Variants in TPCN2 observed in about 807,000 individuals in gnomAD.
The protein encoded by TPCN2 is two pore channel protein 2.
In TPCN2, 92 loss-of-function variants were observed where a neutral mutation model predicts 111.4. The observed-to-expected ratio is 0.83, with a 90% CI of 0.70 to 0.98. TPCN2 has a LOEUF of 0.98. Ranked by LOEUF, TPCN2 falls within the 50% of genes least tolerant of loss-of-function variation. TPCN2 has a pLI of 0.00. For missense variants in TPCN2, 995 were observed against 980.1 expected (o/e 1.02, Z -0.20); for synonymous variants, 405 against 414.5 (o/e 0.98, Z 0.28).
intron 18 of TPCN2, among the ~76,000 whole-genome samples, chr11:69,083,712 G>A (rs770369638): frequency 3.3e-5 from 5 of 152,148 alleles, no homozygotes; most frequent in Non-Finnish European, 7.3e-5. Context: ...CGTGTGGGTA[G>A]ATGTAGGTGT....
rs1426633900 is a variant in TPCN2, at chr11:69,078,959, T to C, written c.1478T>C (p.Leu493Pro). The C allele has an allele frequency of 6.2e-7, 1 of 1,614,066 alleles. No homozygotes were observed. The highest frequency in any genetic ancestry group is 8.5e-7 in the Non-Finnish European group (1 of 1,179,994). Reference sequence around the variant, plus strand: ...CTGCTCAAGGTCTTTGCCCTGGGCCTGCGAGGGTACCTGTCCTACCCCAGC... The same window carrying C: ...CTGCTCAAGGTCTTTGCCCTGGGCCCGCGAGGGTACCTGTCCTACCCCAGC... ...EMLLKVFALG[L>P]RGYLSYPSNV... Residue 493 changes from leucine (L) to proline (P), a missense_variant, in exon 16 of 25, where the codon CTG (leucine) becomes CCG (proline). Leu to Pro is a moderately conservative substitution (Grantham distance 98, BLOSUM62 -3). Transcript: ENST00000294309.
Position 69,078,592 on chromosome 11 carries a change from G to A in TPCN2, c.1341G>A (p.Val447=), listed in dbSNP as rs1855886159. 1.9e-6 allele frequency: 3 copies of A among 1,614,034 alleles called. No homozygotes were observed. Among genetic ancestry groups the A allele is most frequent in the South Asian group, 2.2e-5 (2 of 91,090 alleles). ...LGNLIALANL[V]SICVFLVLDA... is the part of the protein sequence containing the mutation. ...ACCTCATCGCCCTGGCAAACCTGGT[G>A]TCCATTTGCGTGAGTGTGGATTTGC... is the stretch of plus-strand genomic sequence containing the variant. Residue 447 remains valine, a synonymous_variant, in exon 14 of 25, where the codon GTG becomes GTA. Transcript: ENST00000294309.
intron 13 of TPCN2, among the ~76,000 whole-genome samples, chr11:69,074,113 A>G (rs1855651494): frequency 6.6e-6 from 1 of 152,234 alleles, no homozygotes; most frequent in South Asian, 2.1e-4. Context: ...ACCCATAGCA[A>G]CTGTCAGCTG....
intron 6 of TPCN2, among the ~76,000 whole-genome samples, chr11:69,063,498 C>T (rs568542288): frequency 4.6e-5 from 7 of 152,214 alleles, no homozygotes; most frequent in African/African-American, 1.7e-4. Flanking sequence ...CACCCCTGGT[C>T]CCGATCCCCT....
rs1855551289 is a variant in TPCN2 at position 69,071,830 on chromosome 11, T to TC, written c.961-88dup. On this transcript the variant is annotated intron_variant, in intron 10 of 24. Transcript: ENST00000294309. Reference sequence around the variant, plus strand: ...GGCCCCCCCCCAAGGCTGCCCAGACTCCCCCTCTGCCTGTTCCCCAGGGGA... The same window carrying TC: ...GGCCCCCCCCCAAGGCTGCCCAGACTCCCCCCTCTGCCTGTTCCCCAGGGGA... The TC allele has an allele frequency of 5.9e-6, 7 of 1,196,168 alleles. No homozygotes were observed. The South Asian group carries it at 6.7e-5, about 12-fold the overall frequency. 74.1% of individuals were successfully genotyped at this position (1,196,168 alleles called of 1,614,324 possible). A position where few individuals can be genotyped will look rare whatever the true frequency, so the allele number is the denominator to read the frequency against.
intron 16 of TPCN2, 136 bp from the exon 17 acceptor site, chr11:69,079,698 A>T: frequency 1.3e-6 from 1 of 761,440 alleles, no homozygotes. Flanking sequence ...CGTGGGGTCC[A>T]GGACCAAGCT....
At position 69,048,975 on chromosome 11, in the gene TPCN2, G is replaced by C. The variant is rs953443458; in HGVS notation, c.-23G>C. The C allele has an allele frequency of 1.1e-5, 13 of 1,225,420 alleles. No homozygotes were observed. Among genetic ancestry groups the C allele is most frequent in the South Asian group, 4.1e-5 (1 of 24,246 alleles). The allele number at this position is 1,225,420 out of a possible 1,614,324, so 75.9% of individuals were successfully genotyped here. On this transcript the variant is annotated 5_prime_UTR_variant, in exon 1 of 25. Transcript: ENST00000294309. ...TTCGGGGCTTGAGCTTCTGAGGGTC[G>C]GGTCCAGCGCGTGGGCTGCTGGATG...
chr11:69,054,002 C>T (rs746255558), intron 1 of TPCN2, 31 bp from the exon 2 acceptor site: 26 of 1,597,782 alleles, frequency 1.6e-5, no homozygotes, highest in East Asian at 1.3e-4. Context: ...TCATCCTGCT[C>T]GGTCACCTGA....
rs1016520375 is a variant in TPCN2, at chr11:69,090,149, G to C, written c.*2196G>C. 1 of 146,438 alleles carries C rather than the reference G, an allele frequency of 6.8e-6. No homozygotes were observed. The highest frequency in any genetic ancestry group is 2.0e-4 in the East Asian group (1 of 5,036). The allele number at this position is 146,438 out of a possible 1,614,324, so 9.1% of individuals were successfully genotyped here. ...TTGCTGCACCCGGGAGCTCTTAGTG[G>C]ACAGAGCTAGAGGATATGTGCACGT... On this transcript the variant is annotated 3_prime_UTR_variant, in exon 25 of 25. Transcript: ENST00000294309.
intron 19 of TPCN2, 38 bp downstream of exon 19, chr11:69,084,054 T>G (rs1590752829): frequency 6.2e-7 from 1 of 1,602,764 alleles, no homozygotes; most frequent in East Asian, 2.2e-5. Flanking sequence ...GGTTATGCAC[T>G]GGAGTGGGAG....
chr11:69,070,344 T>C, intron 8 of TPCN2, 86 bp from the exon 9 acceptor site: 1 of 1,129,252 alleles, frequency 8.9e-7, no homozygotes, highest in Non-Finnish European at 1.3e-6. Flanking sequence ...CTCCTTTCTA[T>C]TGCAAAAGCA....
intron 13 of TPCN2, among the ~76,000 whole-genome samples, chr11:69,078,172 T>TA (rs1222467873): frequency 4.0e-4 from 57 of 141,104 alleles, no homozygotes; most frequent in East Asian, 2.7e-3. Flanking sequence ...TTTTTTTTTT[T>TA]ATATATATCA....
intron 11 of TPCN2, 145 bp from the exon 12 acceptor site, chr11:69,072,482 G>C (rs1590733651): frequency 1.4e-6 from 1 of 724,968 alleles, no homozygotes; most frequent in East Asian, 2.7e-5. Flanking sequence ...CAGGATGCTC[G>C]TTACAGGGGC....
intron 18 of TPCN2, among the ~76,000 whole-genome samples, chr11:69,082,454 CAGAT>C (rs1199982115): frequency 3.3e-5 from 5 of 152,304 alleles, no homozygotes; most frequent in African/African-American, 4.8e-5. Context: ...ACCGTATGCA[CAGAT>C]AATCACATGC....
rs984442887 is a variant in TPCN2, at chr11:69,081,356, G to A, written c.1590-44G>A. On this transcript the variant is annotated intron_variant, in intron 17 of 24. Transcript: ENST00000294309. ...GCGTTTCCTTGTCTCCTCCCTGTGGGGCTCCTGGGCTCCTCCCAACCCGCC... is the reference window on the plus strand; with the variant it reads ...GCGTTTCCTTGTCTCCTCCCTGTGGAGCTCCTGGGCTCCTCCCAACCCGCC... 3 of 1,387,016 alleles carry A rather than the reference G, an allele frequency of 2.2e-6. No homozygotes were observed. The South Asian group carries it at 3.8e-5, about 17-fold the overall frequency. The allele number at this position is 1,387,016 out of a possible 1,614,324, so 85.9% of individuals were successfully genotyped here.
intron 12 of TPCN2, 50 bp downstream of exon 12, chr11:69,072,758 C>T (rs1565089204): frequency 1.2e-6 from 2 of 1,605,406 alleles, no homozygotes; most frequent in Admixed American, 3.3e-5. Flanking sequence ...CGGGAGGTCA[C>T]TTGGGCCAGC....
intron 13 of TPCN2, among the ~76,000 whole-genome samples, chr11:69,077,070 ACTTGCCCT>A (rs1455360774): frequency 1.0e-4 from 7 of 67,178 alleles, no homozygotes; most frequent in Admixed American, 1.9e-4. Flanking sequence ...ATGTCCCTCC[ACTTGCCCT>A]CCTGCCCTCC....
intron 18 of TPCN2, chr11:69,083,111 C>T (rs1423859987): frequency 1.3e-5 from 2 of 152,662 alleles, no homozygotes; most frequent in Admixed American, 1.3e-4. Flanking sequence ...GAACTTGTGC[C>T]CGTGTAAGAT....
chr11:69,057,583 C>A lies in TPCN2; in HGVS notation c.435C>A (p.Tyr145Ter). 1 of 1,614,142 alleles carries A rather than the reference C, an allele frequency of 6.2e-7. No homozygotes were observed. Among genetic ancestry groups the A allele is most frequent in the Non-Finnish European group, 8.5e-7 (1 of 1,179,970 alleles). ...CCCGCCCGTCTATCTTGCAGGGTTACCTGTTCGGGTGGGCCCATTTCCAGA... is the reference window on the plus strand; with the variant it reads ...CCCGCCCGTCTATCTTGCAGGGTTAACTGTTCGGGTGGGCCCATTTCCAGA... Reference protein sequence around the residue: ...VFAADLSVKGYLFGWAHFQKN... With the variant: ...VFAADLSVKG Residue 145 changes from tyrosine to a stop codon, truncating the protein, a stop_gained, in exon 5 of 25, where the codon TAC becomes TAA. Coordinates refer to ENST00000294309, the MANE Select transcript of TPCN2 (RefSeq NM_139075.4). LOFTEE classifies it high-confidence loss of function.
Sources: gnomAD v4.1 joint callset for allele counts (sites outside exome capture counted in the v4.1 genomes callset) on GRCh38, gnomAD v4.1.1 for gene constraint, MANE v1.5 for transcripts, NCBI Gene and HGNC (gene_info 2026-07-23, HGNC 2026-07-21) for gene names.